The following LOC122539214 variants were observed in gnomAD, a reference collection of about 807,000 sequenced individuals.
At chr19:52,668,909 G>C in the LOC122539214 span, among the ~76,000 whole-genome samples, 3 of 152,128 alleles carry the variant, frequency 2.0e-5, no homozygotes, top group Admixed American at 1.3e-4. Context: ...ATATCCCAAA[G>C]TTCGACACCC....
the LOC122539214 span, among the ~76,000 whole-genome samples, chr19:52,670,238 C>T: frequency 2.0e-5 from 3 of 152,206 alleles, no homozygotes; most frequent in South Asian, 2.1e-4. Flanking sequence ...CTGCTCCACC[C>T]TGACTCATTC....
chr19:52,686,438 A>G, the LOC122539214 span, among the ~76,000 whole-genome samples: 1 of 147,002 alleles, frequency 6.8e-6, no homozygotes, highest in African/African-American at 2.5e-5. Flanking sequence ...TTTTTCTCAA[A>G]CTCCAACTGC....
chr19:52,666,218 A>C, the LOC122539214 span, among the ~76,000 whole-genome samples: 1 of 151,876 alleles, frequency 6.6e-6, no homozygotes, highest in East Asian at 1.9e-4. Context: ...AGAAAGAGAC[A>C]GAGAGACAAA....
At chr19:52,669,556 C>T in the LOC122539214 span, among the ~76,000 whole-genome samples, 1 of 152,166 alleles carries the variant, frequency 6.6e-6, no homozygotes, top group African/African-American at 2.4e-5. Flanking sequence ...ATAATTAAAA[C>T]TCAGTGTTGT....
chr19:52,687,429 AAT>A, the LOC122539214 span, among the ~76,000 whole-genome samples: 2 of 18,746 alleles, frequency 1.1e-4, 1 homozygote, highest in Non-Finnish European at 2.2e-4. Flanking sequence ...TATAAATTAT[AAT>A]TTATATAGCT....
chr19:52,653,199 A>G, the LOC122539214 span: 4 of 1,529,574 alleles, frequency 2.6e-6, no homozygotes, highest in Non-Finnish European at 3.6e-6. Context: ...ATGACTTCTG[A>G]CTGAAGGTCT....
At chr19:52,663,265 C>T in the LOC122539214 span, among the ~76,000 whole-genome samples, 1 of 152,176 alleles carries the variant, frequency 6.6e-6, no homozygotes, top group Non-Finnish European at 1.5e-5. Flanking sequence ...CCTAAACATG[C>T]AATTATTTTC....
chr19:52,655,828 T>C, the LOC122539214 span: 2 of 506,052 alleles, frequency 4.0e-6, no homozygotes, highest in South Asian at 2.8e-5. Context: ...TGAACATTTC[T>C]TTTTGTGCAG....
the LOC122539214 span, chr19:52,655,786 G>A: frequency 1.7e-5 from 10 of 605,616 alleles, no homozygotes; most frequent in East Asian, 2.8e-5. Context: ...GATCCAAGAC[G>A]GTGTTCTGAC....
chr19:52,651,658 G>A, the LOC122539214 span: 1 of 142,994 alleles, frequency 7.0e-6, no homozygotes, highest in Admixed American at 7.4e-5. Flanking sequence ...ACGCCAGCTT[G>A]GGCGACAAGA....
chr19:52,681,371 G>A, the LOC122539214 span, among the ~76,000 whole-genome samples: 1 of 150,958 alleles, frequency 6.6e-6, no homozygotes, highest in Non-Finnish European at 1.5e-5. Context: ...TTACCTAGAT[G>A]AGCTGAAATA....
At chr19:52,656,791 G>A in the LOC122539214 span, among the ~76,000 whole-genome samples, 6 of 150,754 alleles carry the variant, frequency 4.0e-5, no homozygotes, top group Non-Finnish European at 5.9e-5. Context: ...ACTTGAACTC[G>A]GGAGGCTGAG....
At chr19:52,650,977 T>C in the LOC122539214 span, 2 of 152,342 alleles carry the variant, frequency 1.3e-5, no homozygotes, top group East Asian at 1.9e-4. Context: ...AAGAAACCAA[T>C]ATCCAATTCC....
chr19:52,683,385 C>T, the LOC122539214 span, among the ~76,000 whole-genome samples: 2 of 152,146 alleles, frequency 1.3e-5, no homozygotes, highest in Non-Finnish European at 2.9e-5. Flanking sequence ...GTGCTGTTTG[C>T]ACTCTGATTC....
At chr19:52,670,536 C>T in the LOC122539214 span, among the ~76,000 whole-genome samples, 627 of 152,032 alleles carry the variant, frequency 4.1e-3, 3 homozygotes, top group African/African-American at 0.014. Context: ...TTTGCAGCAC[C>T]GAAACTTTAT....
the LOC122539214 span, chr19:52,654,548 C>T: frequency 2.3e-6 from 1 of 430,850 alleles, no homozygotes; most frequent in Non-Finnish European, 4.0e-6. Context: ...AACACCCTGT[C>T]TCTATTAAAA....
chr19:52,687,880 TTG>T, the LOC122539214 span, among the ~76,000 whole-genome samples: 1 of 151,174 alleles, frequency 6.6e-6, no homozygotes, highest in Non-Finnish European at 1.5e-5. Flanking sequence ...GTGATTTTTG[TTG>T]CACTTCACTG....
the LOC122539214 span, among the ~76,000 whole-genome samples, chr19:52,677,772 G>T: frequency 6.6e-6 from 1 of 152,194 alleles, no homozygotes; most frequent in African/African-American, 2.4e-5. Flanking sequence ...GATGGCTCAT[G>T]CCTGTAGTCC....
chr19:52,684,753 G>C, the LOC122539214 span, among the ~76,000 whole-genome samples: 1 of 152,106 alleles, frequency 6.6e-6, no homozygotes, highest in East Asian at 1.9e-4. Context: ...TAGGGTAAGA[G>C]CAGGGACAAT....
Sources: gnomAD v4.1 joint callset for allele counts (sites outside exome capture counted in the v4.1 genomes callset) on GRCh38, gnomAD v4.1.1 for gene constraint, MANE v1.5 for transcripts.